CCDC169: variants seen among roughly 807,000 people sequenced by gnomAD.
CCDC169 encodes the protein coiled-coil domain containing 169.
CCDC169 carries 30 observed loss-of-function variants against 36.0 expected under a neutral mutation model. That is an observed-to-expected ratio of 0.83 (90% confidence interval 0.62 to 1.13). CCDC169 has a LOEUF of 1.13. Among genes scored for constraint, CCDC169 ranks in the 50% most tolerant of loss-of-function variants. CCDC169 has a pLI of 0.00. For missense variants in CCDC169, 245 were observed against 245.9 expected (o/e 1.00, Z 0.03); for synonymous variants, 85 against 81.5 (o/e 1.04, Z -0.23).
intron 4 of CCDC169, among the ~76,000 whole-genome samples, chr13:36,275,915 C>A (rs187465748): frequency 6.6e-6 from 1 of 152,188 alleles, no homozygotes; most frequent in African/African-American, 2.4e-5. Flanking sequence ...ATGACATGGA[C>A]CACAACAGAG....
chr13:36,273,112 T>G (rs1876320006), intron 4 of CCDC169, among the ~76,000 whole-genome samples: 2 of 152,212 alleles, frequency 1.3e-5, no homozygotes, highest in South Asian at 4.1e-4. Flanking sequence ...AAAATTTGTT[T>G]AAATCACTCA....
downstream of CCDC169, chr13:36,223,395 G>C (rs1007392299): frequency 6.6e-6 from 1 of 152,126 alleles, no homozygotes; most frequent in Non-Finnish European, 1.5e-5. Context: ...TAGTTCTCCA[G>C]ATAGTAATAT....
rs372487398 is a variant in CCDC169, at chr13:36,283,606, T to C, written c.260A>G (p.His87Arg). The C allele has an allele frequency of 1.5e-4, 230 of 1,551,406 alleles. 1 individual carries two copies. In the African/African-American group the frequency reaches 2.8e-3, roughly 19 times the overall value. Residue 87 changes from histidine to arginine, a missense_variant, in exon 3 of 8, where the codon CAT becomes CGT. Transcript: ENST00000239859. ...TGGTTTTGTACCTGAAGAGTTTCCA[T>C]GGATTTTTTCCACTTTCTCCTTGAG... is the stretch of plus-strand genomic sequence containing the variant. Reference protein sequence around the residue: ...VYLKEKVEKIHGNSSDRLSSI... With the variant: ...VYLKEKVEKIRGNSSDRLSSI...
chr13:36,272,164 G>A (rs1463627426), intron 4 of CCDC169, among the ~76,000 whole-genome samples: 1 of 150,798 alleles, frequency 6.6e-6, no homozygotes, highest in Non-Finnish European at 1.5e-5. Flanking sequence ...TACACTACTT[G>A]GGTGATGGGT....
chr13:36,285,612 T>TAGAC (rs1878122837), intron 2 of CCDC169, among the ~76,000 whole-genome samples: 1 of 149,476 alleles, frequency 6.7e-6, no homozygotes, highest in African/African-American at 2.5e-5. Context: ...GATAGATAGA[T>TAGAC]AGATAGATAC....
intron 4 of CCDC169, among the ~76,000 whole-genome samples, chr13:36,255,768 C>T (rs1199222704): frequency 6.6e-6 from 1 of 151,952 alleles, no homozygotes; most frequent in Admixed American, 6.6e-5. Flanking sequence ...GCTTCTCCAA[C>T]ATCCCCTCAG....
intron 6 of CCDC169, among the ~76,000 whole-genome samples, chr13:36,251,121 C>T (rs1359093207): frequency 6.6e-6 from 1 of 152,188 alleles, no homozygotes; most frequent in East Asian, 1.9e-4. Flanking sequence ...TCAGAAGACT[C>T]CCAAGAGGGG....
At chr13:36,254,275 C>CTTT (rs1368470201) in intron 4 of CCDC169, 132 bp from the exon 5 acceptor site, 76 of 364,958 alleles carry the variant, frequency 2.1e-4, no homozygotes, top group East Asian at 4.2e-4. Context: ...ATGATATGTA[C>CTTT]TTTTTTTTTT....
At chr13:36,249,905 C>A (rs1872938601) in intron 6 of CCDC169, among the ~76,000 whole-genome samples, 1 of 152,074 alleles carries the variant, frequency 6.6e-6, no homozygotes, top group South Asian at 2.1e-4. Flanking sequence ...GATATTAGAT[C>A]ATTTGATATG....
intron 6 of CCDC169, among the ~76,000 whole-genome samples, chr13:36,249,180 T>A (rs1422868027): frequency 6.6e-6 from 1 of 152,184 alleles, no homozygotes; most frequent in African/African-American, 2.4e-5. Context: ...AGAATGATGA[T>A]CTTAGAGATG....
At chr13:36,284,494 C>G (rs1030986598) in intron 2 of CCDC169, among the ~76,000 whole-genome samples, 1 of 152,222 alleles carries the variant, frequency 6.6e-6, no homozygotes, top group Non-Finnish European at 1.5e-5. Flanking sequence ...ATCATATCCT[C>G]TTAACTCCTA....
intron 2 of CCDC169, among the ~76,000 whole-genome samples, chr13:36,290,579 C>A (rs1163314379): frequency 2.0e-5 from 3 of 152,032 alleles, no homozygotes; most frequent in Non-Finnish European, 4.4e-5. Flanking sequence ...TAATTAAGAC[C>A]CTCCAAATCA....
At chr13:36,293,101 T>C (rs1248968680) in intron 2 of CCDC169, among the ~76,000 whole-genome samples, 1 of 141,478 alleles carries the variant, frequency 7.1e-6, no homozygotes, top group African/African-American at 2.8e-5. Context: ...TGGTAGAGGT[T>C]TGAGAAGAAA....
At chr13:36,256,053 C>G (rs998861518) in intron 4 of CCDC169, among the ~76,000 whole-genome samples, 1 of 152,194 alleles carries the variant, frequency 6.6e-6, no homozygotes, top group Non-Finnish European at 1.5e-5. Context: ...TCCTTCTTTG[C>G]CTGCAAGCGT....
At chr13:36,259,983 A>C (rs1874418322) in intron 4 of CCDC169, among the ~76,000 whole-genome samples, 1 of 152,238 alleles carries the variant, frequency 6.6e-6, no homozygotes, top group South Asian at 2.1e-4. Flanking sequence ...GGCCTGCTCC[A>C]ATGGAGGTGC....
chr13:36,248,165 A>T (rs546568845), intron 7 of CCDC169, among the ~76,000 whole-genome samples: 1 of 152,296 alleles, frequency 6.6e-6, no homozygotes, highest in East Asian at 1.9e-4. Context: ...CATACTTAAT[A>T]GACTACAGTA....
At chr13:36,248,576 A>G in intron 7 of CCDC169, 30 bp downstream of exon 7, 3 of 1,545,414 alleles carry the variant, frequency 1.9e-6, no homozygotes, top group South Asian at 2.4e-5. Context: ...AATGTAACGA[A>G]TTAGAAAGAA....
At chr13:36,234,909 T>C (rs185300910) in intron 7 of CCDC169, among the ~76,000 whole-genome samples, 39 of 152,240 alleles carry the variant, frequency 2.6e-4, no homozygotes, top group South Asian at 1.7e-3. Flanking sequence ...CAAAGATAAC[T>C]ACATAGGTAA....
chr13:36,281,687 C>G (rs984722339), intron 4 of CCDC169, among the ~76,000 whole-genome samples: 1 of 151,962 alleles, frequency 6.6e-6, no homozygotes, highest in Admixed American at 6.6e-5. Context: ...CACGGTGAAA[C>G]CTCGTCTCTA....
Sources: gnomAD v4.1 joint callset for allele counts (sites outside exome capture counted in the v4.1 genomes callset) on GRCh38, gnomAD v4.1.1 for gene constraint, MANE v1.5 for transcripts, NCBI Gene and HGNC (gene_info 2026-07-23, HGNC 2026-07-21) for gene names.